The following NGDN variants were observed in gnomAD, a reference collection of about 807,000 sequenced individuals.
NGDN encodes neuroguidin.
In NGDN, 41 loss-of-function variants were observed where a neutral mutation model predicts 45.2. The observed-to-expected ratio is 0.91, with a 90% confidence interval of 0.71 to 1.18. The LOEUF is 1.18. NGDN is among the 50% of genes most tolerant of loss of function. The pLI is 0.00. For missense variants in NGDN, 402 were observed against 399.9 expected (o/e 1.01, Z -0.05); for synonymous variants, 137 against 130.9 (o/e 1.05, Z -0.32).
chr14:23,469,857 A>G, intron 1 of NGDN, 130 bp downstream of exon 1: 5 of 1,324,886 alleles, frequency 3.8e-6, no homozygotes, highest in Non-Finnish European at 5.3e-6. Context: ...CGGCCTCCCT[A>G]GAGTTACCGT....
intron 2 of NGDN, 94 bp from the exon 3 acceptor site, chr14:23,470,812 A>G: frequency 1.1e-6 from 1 of 907,716 alleles, no homozygotes; most frequent in South Asian, 1.7e-5. Context: ...GTTTCAGATA[A>G]TTTTTAGGTG....
Position 23,476,052 on chromosome 14 carries a change from A to G in NGDN, c.444A>G (p.Glu148=). Residue 148 remains glutamate (E), a synonymous_variant, in exon 7 of 11, where the codon GAA becomes GAG. Transcript: ENST00000408901. ...MSKLSSEDEE[E]DEAEDDQSEA... The stretch of plus-strand genomic sequence containing the variant: ...AGTTGAGCTCTGAGGATGAGGAGGA[A>G]GATGAAGCAGAAGATGACCAGTCTG... 1 of 1,614,176 alleles carries G rather than the reference A, an allele frequency of 6.2e-7. No homozygotes were observed. The highest frequency in any genetic ancestry group is 8.5e-7 in the Non-Finnish European group (1 of 1,180,016).
At position 23,475,300 on chromosome 14, in the gene NGDN, A is replaced by C; in HGVS notation, c.274A>C (p.Ile92Leu). 1 of 1,612,092 alleles carries C rather than the reference A, an allele frequency of 6.2e-7. No homozygotes were observed. Among genetic ancestry groups the C allele is most frequent in the Non-Finnish European group, 8.5e-7 (1 of 1,179,388 alleles). The change falls in exon 4 of 11, where the codon ATT becomes CTT. Residue 92 changes from isoleucine to leucine, a missense_variant. Ile to Leu is a conservative substitution (Grantham distance 5). Transcript: ENST00000408901. ...GHDAVLRLVE[I>L]RTVLEKLRPL... is the part of the protein sequence containing the mutation. ...TGATGCAGTTTTGAGACTGGTGGAG[A>C]TTCGCACGGTATGAAGCATTTGGCT...
At chr14:23,477,624 T>A in intron 10 of NGDN, 64 bp downstream of exon 10, 1 of 1,606,044 alleles carries the variant, frequency 6.2e-7, no homozygotes, top group Non-Finnish European at 8.5e-7. Context: ...TGAGTCTCTT[T>A]GGATTTGCCA....
At position 23,476,400 on chromosome 14, in the gene NGDN, C is replaced by T; in HGVS notation, c.706C>T (p.Gln236Ter). Reference sequence around the variant, plus strand: ...TGTTACCCGCCAGAGTCAGGAGGACCAACACAGGTCTGAGCCCTTGCATTA... The same window carrying T: ...TGTTACCCGCCAGAGTCAGGAGGACTAACACAGGTCTGAGCCCTTGCATTA... ...PHVTRQSQED[Q>*]HRINYEESMM... The change falls in exon 8 of 11, where the codon CAA becomes TAA. Residue 236 changes from glutamine to a stop codon, truncating the protein, a stop_gained. Transcript: ENST00000408901. LOFTEE classifies it high-confidence loss of function. 1.2e-6 allele frequency: 2 copies of T among 1,610,848 alleles called. No homozygotes were observed. Among genetic ancestry groups the T allele is most frequent in the Non-Finnish European group, 1.7e-6 (2 of 1,179,306 alleles).
intron 3 of NGDN, among the ~76,000 whole-genome samples, chr14:23,473,996 C>G (rs1893841866): frequency 6.8e-6 from 1 of 147,038 alleles, no homozygotes; most frequent in African/African-American, 2.5e-5. Flanking sequence ...CGAGACAGTG[C>G]CACTGCACTC....
At chr14:23,470,877 A>G (rs1028588) in intron 2 of NGDN, 29 bp from the exon 3 acceptor site, 1,393,122 of 1,540,646 alleles carry the variant, frequency 0.9, 631,093 homozygotes, top group African/African-American at 0.98. Flanking sequence ...ATATAATCTA[A>G]TCACTTGTTT....
Position 23,475,315 on chromosome 14 carries a change from A to G in NGDN, c.282+7A>G. 6.2e-7 allele frequency: 1 copy of G among 1,604,272 alleles called. No homozygotes were observed. Among genetic ancestry groups the G allele is most frequent in the South Asian group, 1.1e-5 (1 of 88,998 alleles). ...ACTGGTGGAGATTCGCACGGTATGAAGCATTTGGCTTCTTGGAGTTTTAGG... is the reference window on the plus strand; with the variant it reads ...ACTGGTGGAGATTCGCACGGTATGAGGCATTTGGCTTCTTGGAGTTTTAGG... On this transcript the variant is annotated splice_region_variant and intron_variant, in intron 4 of 10. Coordinates refer to ENST00000408901, the MANE Select transcript of NGDN (RefSeq NM_001042635.2).
chr14:23,470,106 G>A lies in NGDN; in HGVS notation c.72+5G>A. 6.2e-7 allele frequency: 1 copy of A among 1,613,552 alleles called. No individual in the cohort carries two copies. Among genetic ancestry groups the A allele is most frequent in the Non-Finnish European group, 8.5e-7 (1 of 1,179,452 alleles). On this transcript the variant is annotated splice_donor_5th_base_variant and intron_variant, in intron 2 of 10. Coordinates refer to ENST00000408901, the MANE Select transcript of NGDN (RefSeq NM_001042635.2). The stretch of plus-strand genomic sequence containing the variant: ...CTGAAAAATCTCCAGGAGCAAGTGA[G>A]TAGTGTCGCCTCTGGAATAAATTAG...
chr14:23,470,942 C>G lies in NGDN; in HGVS notation c.109C>G (p.Gln37Glu). 1 of 1,553,244 alleles carries G rather than the reference C, an allele frequency of 6.4e-7. No individual in the cohort carries two copies. Among genetic ancestry groups the G allele is most frequent in the Non-Finnish European group, 8.7e-7 (1 of 1,155,274 alleles). ...AACTGCACAAGTGAAATCACTGACA[C>G]AAAAAGTTCAAGCTGGTGCCTATCC... ...AVTAQVKSLT[Q>E]KVQAGAYPTE... The change falls in exon 3 of 11, where the codon CAA (glutamine) becomes GAA (glutamate). Residue 37 changes from glutamine to glutamate, a missense_variant. Gln to Glu is a conservative substitution (Grantham distance 29). Coordinates refer to ENST00000408901, the MANE Select transcript of NGDN (RefSeq NM_001042635.2).
At chr14:23,470,802 G>A in intron 2 of NGDN, 104 bp from the exon 3 acceptor site, 2 of 791,760 alleles carry the variant, frequency 2.5e-6, no homozygotes, top group Non-Finnish European at 4.1e-6. Flanking sequence ...TTTAGACAGT[G>A]TTTCAGATAA....
chr14:23,469,849 G>A, intron 1 of NGDN, 122 bp downstream of exon 1: 2 of 1,388,584 alleles, frequency 1.4e-6, no homozygotes, highest in African/African-American at 1.4e-5. Flanking sequence ...CAGGGAGGCG[G>A]CCTCCCTAGA....
intron 3 of NGDN, among the ~76,000 whole-genome samples, chr14:23,473,920 C>T (rs1306639186): frequency 1.3e-5 from 2 of 151,880 alleles, no homozygotes; most frequent in Non-Finnish European, 2.9e-5. Flanking sequence ...CACCTGTAGT[C>T]CCAGCTACTT....
At chr14:23,474,053 A>G (rs1393331841) in intron 3 of NGDN, among the ~76,000 whole-genome samples, 2 of 151,976 alleles carry the variant, frequency 1.3e-5, no homozygotes, top group African/African-American at 4.8e-5. Context: ...AAAAAAAAAA[A>G]AAAAGACTGA....
At chr14:23,472,933 C>T (rs1225665830) in intron 3 of NGDN, among the ~76,000 whole-genome samples, 1 of 152,148 alleles carries the variant, frequency 6.6e-6, no homozygotes, top group Non-Finnish European at 1.5e-5. Flanking sequence ...TGACAATGCC[C>T]AAGCACGTCG....
In NGDN at chr14:23,478,080, CAT is replaced by C. The variant is rs1893946991; in HGVS notation, c.*55_*56del. 1 of 1,524,954 alleles carries C rather than the reference CAT, an allele frequency of 6.6e-7. No homozygotes were observed. The highest frequency in any genetic ancestry group is 1.1e-5 in the South Asian group (1 of 89,198). The allele number at this position is 1,524,954 out of a possible 1,614,324, so 94.5% of individuals were successfully genotyped here. A position where few individuals can be genotyped will look rare whatever the true frequency, so the allele number is the denominator to read the frequency against. On this transcript the variant is annotated 3_prime_UTR_variant, in exon 11 of 11. Transcript: ENST00000408901. The stretch of plus-strand genomic sequence containing the variant: ...TGTCATCCTGAGATACTTCTAATTT[CAT>C]TGTATATAGGTGGTTTTCCCTGGAA...
chr14:23,470,637 G>T (rs1233821262), intron 2 of NGDN, among the ~76,000 whole-genome samples: 2 of 152,170 alleles, frequency 1.3e-5, no homozygotes, highest in Non-Finnish European at 2.9e-5. Flanking sequence ...CAAAATTACA[G>T]TGCTTCAGTC....
In NGDN at chr14:23,476,354, C is replaced by T. The variant is rs755779980; in HGVS notation, c.660C>T (p.Ile220=). Residue 220 remains isoleucine, a synonymous_variant, in exon 8 of 11, where the codon ATC becomes ATT. Coordinates refer to ENST00000408901, the MANE Select transcript of NGDN (RefSeq NM_001042635.2). ...AGTACTCAGATGCTCCAGAGGAAAT[C>T]CGTGATGCTCGGCATCCCCATGTTA... ...KEQYSDAPEE[I]RDARHPHVTR... 3 of 1,613,248 alleles carry T rather than the reference C, an allele frequency of 1.9e-6. No individual in the cohort carries two copies. Among genetic ancestry groups the T allele is most frequent in the Admixed American group, 1.7e-5 (1 of 60,016 alleles).
At chr14:23,471,088 A>G (rs1027185674) in intron 3 of NGDN, 111 bp downstream of exon 3, 3 of 661,292 alleles carry the variant, frequency 4.5e-6, no homozygotes, top group Non-Finnish European at 4.8e-6. Context: ...TCAAACATAA[A>G]TATGATCCAG....
Sources: gnomAD v4.1 joint callset for allele counts (sites outside exome capture counted in the v4.1 genomes callset) on GRCh38, gnomAD v4.1.1 for gene constraint, MANE v1.5 for transcripts, NCBI Gene and HGNC (gene_info 2026-07-23, HGNC 2026-07-21) for gene names.